Variants in GRIP1 observed in about 807,000 individuals in gnomAD.
GRIP1 encodes glutamate receptor interacting protein 1.
Under a neutral mutation model 129.9 loss-of-function variants are expected in GRIP1, and 45 were observed. The ratio of observed to expected loss-of-function variants is 0.35; its 90% CI spans 0.27 to 0.44. The LOEUF is 0.44. Among genes scored for constraint, GRIP1 ranks in the 20% least tolerant of loss-of-function variants. GRIP1 has a pLI of 1.00. For synonymous variants in GRIP1, 530 were observed against 520.8 expected (o/e 1.02, Z -0.24); for missense variants, 1,196 against 1,396.8 (o/e 0.86, Z 2.29).
intron 1 of GRIP1, among the ~76,000 whole-genome samples, chr12:67,062,217 G>T (rs1228433699): frequency 6.6e-6 from 1 of 152,136 alleles, no homozygotes; most frequent in East Asian, 1.9e-4. Context: ...CTTTAACCTG[G>T]CATACGAAGC....
intron 1 of GRIP1, among the ~76,000 whole-genome samples, chr12:66,994,028 C>A (rs1410106787): frequency 6.6e-6 from 1 of 151,944 alleles, no homozygotes; most frequent in African/African-American, 2.4e-5. Flanking sequence ...TTAAACCTCC[C>A]CCAAAGAAAA....
chr12:66,522,622 G>A (rs181147971), intron 5 of GRIP1, among the ~76,000 whole-genome samples: 440 of 152,344 alleles, frequency 2.9e-3, no homozygotes, highest in African/African-American at 0.01. Flanking sequence ...CTAAAAAGCA[G>A]AGTGCCTCTC....
chr12:66,915,404 C>T (rs948008615), intron 1 of GRIP1, among the ~76,000 whole-genome samples: 3 of 152,268 alleles, frequency 2.0e-5, no homozygotes, highest in East Asian at 1.9e-4. Flanking sequence ...ACAAAGCCAT[C>T]TGGAGATGAG....
chr12:66,392,895 T>C, intron 17 of GRIP1, 79 bp from the exon 18 acceptor site: 1 of 1,324,090 alleles, frequency 7.6e-7, no homozygotes, highest in East Asian at 2.3e-5. Context: ...ACATACCTTA[T>C]ACATTCATCA....
chr12:66,658,015 G>GT (rs2033267331), intron 1 of GRIP1, among the ~76,000 whole-genome samples: 1 of 152,120 alleles, frequency 6.6e-6, no homozygotes, highest in Non-Finnish European at 1.5e-5. Flanking sequence ...CCCTAAGAAG[G>GT]TAAGTCCTGA....
intron 2 of GRIP1, among the ~76,000 whole-genome samples, chr12:66,577,233 T>G (rs1044267024): frequency 6.6e-6 from 1 of 152,200 alleles, no homozygotes; most frequent in African/African-American, 2.4e-5. Flanking sequence ...TCAGAAAGAT[T>G]AGAAGAGCCA....
intron 7 of GRIP1, among the ~76,000 whole-genome samples, chr12:66,514,648 T>C (rs555011806): frequency 6.6e-6 from 1 of 152,238 alleles, no homozygotes; most frequent in African/African-American, 2.4e-5. Context: ...GCATACCACA[T>C]CATTTATCCT....
At chr12:66,982,259 CT>C (rs1566105342) in intron 1 of GRIP1, among the ~76,000 whole-genome samples, 3 of 152,112 alleles carry the variant, frequency 2.0e-5, no homozygotes, top group Admixed American at 1.3e-4. Flanking sequence ...CCAATGTCTC[CT>C]TCTTGATTTT....
chr12:66,775,360 G>A (rs557407412), intron 1 of GRIP1, among the ~76,000 whole-genome samples: 3 of 152,200 alleles, frequency 2.0e-5, no homozygotes, highest in Non-Finnish European at 4.4e-5. Context: ...GGAGTCATCA[G>A]TTGGCATCTT....
chr12:66,834,177 C>CAAAAAAAA (rs60054128), intron 1 of GRIP1, among the ~76,000 whole-genome samples: 2 of 95,208 alleles, frequency 2.1e-5, no homozygotes, highest in Non-Finnish European at 1.9e-5. Context: ...GACTTCATCT[C>CAAAAAAAA]AAAAAAAAAA....
chr12:66,736,526 T>C (rs112723852), intron 1 of GRIP1, among the ~76,000 whole-genome samples: 283 of 152,034 alleles, frequency 1.9e-3, no homozygotes, highest in African/African-American at 6.6e-3. Context: ...GATTTACTTT[T>C]CATTGAGTAG....
In GRIP1 at chr12:66,785,343, C is replaced by CATACATACATATATATAT. The variant is rs377630345; in HGVS notation, c.-420+18709_-420+18710insATATATATATGTATGTAT. ...ACATACATACATACATACATACATA[C>CATACATACATATATATAT]ATATATATATATATATATATTAGTT... On this transcript the variant is annotated intron_variant, in intron 1 of 4. Coordinates refer to the GRIP1 transcript ENST00000538373. 2.6e-3 allele frequency among the ~76,000 whole-genome samples: 190 copies of CATACATACATATATATAT among 72,762 alleles called. 2 individuals are homozygous for CATACATACATATATATAT. Among genetic ancestry groups the CATACATACATATATATAT allele is most frequent in the Middle Eastern group, 0.026 (3 of 116 alleles). The allele number at this position is 72,762 out of a possible 152,430, so 47.7% of individuals were successfully genotyped here.
chr12:66,655,971 A>AG (rs2033130649), intron 1 of GRIP1, among the ~76,000 whole-genome samples: 1 of 152,146 alleles, frequency 6.6e-6, no homozygotes, highest in Admixed American at 6.5e-5. Context: ...ATATCATTTG[A>AG]GGGAAATTAG....
chr12:66,848,743 CA>C (rs2039861256), intron 1 of GRIP1, among the ~76,000 whole-genome samples: 1 of 152,050 alleles, frequency 6.6e-6, no homozygotes, highest in Non-Finnish European at 1.5e-5. Context: ...TCCCTAGGTT[CA>C]AAATTTTGTA....
At chr12:66,693,235 T>A (rs2035040505) in intron 1 of GRIP1, among the ~76,000 whole-genome samples, 1 of 152,204 alleles carries the variant, frequency 6.6e-6, no homozygotes, top group African/African-American at 2.4e-5. Flanking sequence ...GACCTGTAAG[T>A]ACGCTCGTTT....
At chr12:66,597,493 G>A (rs2064099558) in intron 1 of GRIP1, among the ~76,000 whole-genome samples, 1 of 152,218 alleles carries the variant, frequency 6.6e-6, no homozygotes, top group Admixed American at 6.5e-5. Flanking sequence ...GGATAGAGAT[G>A]TTCAGAGGGA....
intron 1 of GRIP1, among the ~76,000 whole-genome samples, chr12:66,627,559 C>T (rs1270526582): frequency 6.6e-6 from 1 of 152,158 alleles, no homozygotes; most frequent in Admixed American, 6.6e-5. Flanking sequence ...AATTAGCATC[C>T]ATTTCTCCCT....
At chr12:66,653,175 C>A (rs1231820612) in intron 1 of GRIP1, among the ~76,000 whole-genome samples, 1 of 152,136 alleles carries the variant, frequency 6.6e-6, no homozygotes, top group East Asian at 1.9e-4. Context: ...TTTCTACATA[C>A]AATTTTCACT....
chr12:66,481,111 C>G (rs888098866), intron 7 of GRIP1, among the ~76,000 whole-genome samples: 1 of 151,792 alleles, frequency 6.6e-6, no homozygotes, highest in Non-Finnish European at 1.5e-5. Context: ...TCTAATTAAA[C>G]TAAAGAGCTT....
Sources: gnomAD v4.1 joint callset for allele counts (sites outside exome capture counted in the v4.1 genomes callset) on GRCh38, gnomAD v4.1.1 for gene constraint, MANE v1.5 for transcripts, NCBI Gene and HGNC (gene_info 2026-07-23, HGNC 2026-07-21) for gene names.